TNK2: variants seen among roughly 807,000 people sequenced by gnomAD.
TNK2 encodes the protein activated CDC42 kinase 1.
TNK2 carries 83 observed loss-of-function variants against 101.8 expected under a neutral mutation model. The observed-to-expected ratio is 0.82, with a 90% CI of 0.68 to 0.98. TNK2 has a LOEUF of 0.98. Ranked by LOEUF, TNK2 falls within the 50% of genes least tolerant of loss-of-function variation. The pLI is 0.00. For synonymous variants in TNK2, 804 were observed against 633.0 expected (o/e 1.27, Z -4.06); for missense variants, 1,665 against 1,483.2 (o/e 1.12, Z -2.01).
rs1334269283 is a variant in TNK2, at chr3:195,882,993, G to A, written c.609+164C>T. ...CCCGGACTGGACCGCAGCAGACACA[G>A]CCCGTACCAGGCTGGGCCCCTGTGG... On this transcript the variant is annotated intron_variant, in intron 5 of 15. Transcript: ENST00000672887. This position sits in a 1 kb window ranked among gnomAD's most constrained non-coding sequence, Gnocchi z 4.2. 2.0e-5 allele frequency among the ~76,000 whole-genome samples: 3 copies of A among 152,158 alleles called. No individual in the cohort carries two copies. Among genetic ancestry groups the A allele is most frequent in the Admixed American group, 1.3e-4 (2 of 15,280 alleles).
At chr3:195,869,421 TCTGTAC>T in intron 12 of TNK2, 70 bp downstream of exon 12, 1 of 1,131,784 alleles carries the variant, frequency 8.8e-7, no homozygotes, top group Non-Finnish European at 1.3e-6. Flanking sequence ...CCGCCCAGGC[TCTGTAC>T]CTTCCAGGAG....
At chr3:195,887,852 GTGTC>G (rs1560528085) in intron 2 of TNK2, among the ~76,000 whole-genome samples, 117 of 98,956 alleles carry the variant, frequency 1.2e-3, no homozygotes, top group Middle Eastern at 6.3e-3. Context: ...GTGTGTGTGC[GTGTC>G]TGTGTGCGCA....
In TNK2 at chr3:195,863,867, G is replaced by T. The variant is rs533054278; in HGVS notation, c.*314C>A. 2.6e-6 allele frequency: 1 copy of T among 391,176 alleles called. No homozygotes were observed. Among genetic ancestry groups the T allele is most frequent in the Admixed American group, 4.0e-5 (1 of 25,278 alleles). The allele number at this position is 391,176 out of a possible 1,614,324, so 24.2% of individuals were successfully genotyped here. A position where few individuals can be genotyped will look rare whatever the true frequency, so the allele number is the denominator to read the frequency against. On this transcript the variant is annotated 3_prime_UTR_variant, in exon 16 of 16. Transcript: ENST00000672887. ...GGGTACTACTCCACCCACAGGCCCC[G>T]CCCAGGACCAGGGCCAGAGGCAGGT... is the stretch of plus-strand genomic sequence containing the variant.
Position 195,888,307 on chromosome 3 carries a change from C to T in TNK2, c.163+119G>A, listed in dbSNP as rs1465988916. On this transcript the variant is annotated intron_variant, in intron 2 of 15. Transcript: ENST00000672887. This position sits in a 1 kb window ranked among gnomAD's most constrained non-coding sequence, Gnocchi z 5.3. Reference sequence around the variant, plus strand: ...CACATCAGCACCTACTGATGTCCCTCCTGCTCCCTCAGGGCTCTGGGACAG... The same window carrying T: ...CACATCAGCACCTACTGATGTCCCTTCTGCTCCCTCAGGGCTCTGGGACAG... 1 of 1,095,528 alleles carries T rather than the reference C, an allele frequency of 9.1e-7. No homozygotes were observed. The highest frequency in any genetic ancestry group is 1.5e-5 in the South Asian group (1 of 67,276). The allele number at this position is 1,095,528 out of a possible 1,614,324, so 67.9% of individuals were successfully genotyped here.
Position 195,879,130 on chromosome 3 carries a change from G to A in TNK2, c.933C>T (p.Ser311=), listed in dbSNP as rs147683114. The A allele has an allele frequency of 2.5e-4, 407 of 1,613,780 alleles. No homozygotes were observed. The African/African-American group carries it at 3.7e-3, about 15-fold the overall frequency. The change falls in exon 7 of 16, where the codon AGC becomes AGT. Residue 311 remains serine, a synonymous_variant. Transcript: ENST00000672887. ...SLKTRTFSHA[S]DTWMFGVTLW... ...GTGTCACCCCGAACATCCAGGTGTC[G>A]CTGGCATGGGAGAAGGTGCGTGTCT... is the stretch of plus-strand genomic sequence containing the variant.
In TNK2 at chr3:195,885,301, C is replaced by A. The variant is rs955006995; in HGVS notation, c.235-268G>T. ...TGCAGCCTGTGGCTGAGCGGCCCCA[C>A]ACCCAGCTGTGTGGAGAGGGAGGGC... On this transcript the variant is annotated intron_variant, in intron 3 of 15. Coordinates refer to ENST00000672887, the MANE Select transcript of TNK2 (RefSeq NM_001382273.1). The surrounding 1 kb of genome is among the most constrained non-coding windows in gnomAD (Gnocchi z 4.7). 100 of 1,347,832 alleles carry A rather than the reference C, an allele frequency of 7.4e-5. No individual in the cohort carries two copies. Among genetic ancestry groups the A allele is most frequent in the Non-Finnish European group, 8.7e-5 (89 of 1,024,944 alleles). The allele number at this position is 1,347,832 out of a possible 1,614,324, so 83.5% of individuals were successfully genotyped here. A position where few individuals can be genotyped will look rare whatever the true frequency, so the allele number is the denominator to read the frequency against.
intron 4 of TNK2, 151 bp from the exon 5 acceptor site, chr3:195,883,460 G>A (rs1194855507): frequency 9.0e-6 from 8 of 885,130 alleles, no homozygotes; most frequent in South Asian, 1.6e-5. Context: ...CTGGGCTTAC[G>A]TGCTCTGCGT....
At chr3:195,875,742 C>T (rs1434846838) in intron 9 of TNK2, among the ~76,000 whole-genome samples, 3 of 152,166 alleles carry the variant, frequency 2.0e-5, no homozygotes, top group South Asian at 2.1e-4. Context: ...GAAGCAGGGG[C>T]GGATGAGGAC....
chr3:195,867,600 G>C lies in TNK2; in HGVS notation c.2698C>G (p.Pro900Ala). The C allele has an allele frequency of 1.3e-6, 2 of 1,594,414 alleles. No individual in the cohort carries two copies. The highest frequency in any genetic ancestry group is 1.7e-6 in the Non-Finnish European group (2 of 1,177,906). ...AGCAGAGGCACAGGCAGGGGGGTAG[G>C]CTCCTCGGGGCTCTGGGCCTCACGC... ...FLREAQSPEE[P>A]TPLPVPLLLP... Residue 900 changes from proline (P) to alanine (A), a missense_variant, in exon 13 of 16, where the codon CCT becomes GCT. Around this residue, in one of 3 missense-constraint regions of TNK2, gnomAD observed 1,136 missense variants for 894.9 expected, o/e 1.27. Transcript: ENST00000672887.
At position 195,868,038 on chromosome 3, in the gene TNK2, C is replaced by T; in HGVS notation, c.2260G>A (p.Val754Met). Reference sequence around the variant, plus strand: ...GGGGGGATGGGTACCCGAGGAGGCACCTGGGGCTTGTCGTCACCCCCCGGG... The same window carrying T: ...GGGGGGATGGGTACCCGAGGAGGCATCTGGGGCTTGTCGTCACCCCCCGGG... ...PSPGGDDKPQ[V>M]PPRVPIPPRP... The change falls in exon 13 of 16, where the codon GTG becomes ATG. Residue 754 changes from valine to methionine, a missense_variant. By Grantham distance (21) the Val-to-Met change is conservative (BLOSUM62 1). Around this residue, in one of 3 missense-constraint regions of TNK2, gnomAD observed 1,136 missense variants for 894.9 expected, o/e 1.27. Transcript: ENST00000672887. 6.3e-7 allele frequency: 1 copy of T among 1,594,448 alleles called. No homozygotes were observed. Among genetic ancestry groups the T allele is most frequent in the Non-Finnish European group, 8.5e-7 (1 of 1,174,356 alleles).
At chr3:195,870,036 T>C (rs2278034) in intron 11 of TNK2, 78 bp downstream of exon 11, 565,025 of 1,104,746 alleles carry the variant, frequency 0.51, 151,154 homozygotes, top group Non-Finnish European at 0.56. Flanking sequence ...ACAGCAGCCT[T>C]AGGGTGGCCT....
chr3:195,885,391 C>T lies in TNK2; in HGVS notation c.235-358G>A. 1.5e-6 allele frequency: 2 copies of T among 1,346,666 alleles called. No homozygotes were observed. The highest frequency in any genetic ancestry group is 1.9e-6 in the Non-Finnish European group (2 of 1,027,306). The allele number at this position is 1,346,666 out of a possible 1,614,324, so 83.4% of individuals were successfully genotyped here. A position where few individuals can be genotyped will look rare whatever the true frequency, so the allele number is the denominator to read the frequency against. Reference sequence around the variant, plus strand: ...CCACCCTCCCTTCCTGCACCCGCCACCCCGCAGACTCCAGCCCTAACCCGC... The same window carrying T: ...CCACCCTCCCTTCCTGCACCCGCCATCCCGCAGACTCCAGCCCTAACCCGC... On this transcript the variant is annotated intron_variant, in intron 3 of 15. Transcript: ENST00000672887. This position sits in a 1 kb window ranked among gnomAD's most constrained non-coding sequence, Gnocchi z 4.7.
chr3:195,897,810 ACCCCCCCACC>A (rs1560543849), intron 1 of TNK2, among the ~76,000 whole-genome samples: 3 of 26,198 alleles, frequency 1.1e-4, no homozygotes, highest in South Asian at 2.6e-3. Flanking sequence ...CCACCCCCTC[ACCCCCCCACC>A]CCCCCCCCAC....
chr3:195,895,492 C>A (rs886441549), intron 1 of TNK2: 2 of 1,358,476 alleles, frequency 1.5e-6, no homozygotes, highest in South Asian at 3.6e-5. Context: ...GCCGGGTGGT[C>A]GCGCCCCTCC....
chr3:195,899,609 C>T (rs552829060), intron 1 of TNK2, among the ~76,000 whole-genome samples: 5 of 152,314 alleles, frequency 3.3e-5, no homozygotes, highest in Admixed American at 2.0e-4. Context: ...AGATTATAGG[C>T]GTGAGCCACT....
intron 9 of TNK2, among the ~76,000 whole-genome samples, chr3:195,875,732 G>T (rs1223393057): frequency 2.0e-5 from 3 of 152,202 alleles, no homozygotes; most frequent in Non-Finnish European, 4.4e-5. Context: ...GGCCGTGACT[G>T]AAGCAGGGGC....
chr3:195,879,351 G>C (rs1037513397), intron 6 of TNK2, 176 bp from the exon 7 acceptor site: 7 of 877,848 alleles, frequency 8.0e-6, no homozygotes, highest in Non-Finnish European at 1.2e-5. Context: ...ACGATGCAGG[G>C]ACTTGGGGAA....
At chr3:195,906,514 G>A (rs1457964413) in intron 1 of TNK2, among the ~76,000 whole-genome samples, 3 of 152,002 alleles carry the variant, frequency 2.0e-5, no homozygotes, top group Non-Finnish European at 4.4e-5. Flanking sequence ...ACGCGATTCC[G>A]TTTACAGTAA....
rs1742448752 is a variant in TNK2 at position 195,868,433 on chromosome 3, C to T, written c.1865G>A (p.Ser622Asn). The change falls in exon 13 of 16, where the codon AGC becomes AAC. Residue 622 changes from serine (S) to asparagine (N), a missense_variant. Ser to Asn is a conservative substitution (Grantham distance 46, BLOSUM62 1). Around this residue, in one of 3 missense-constraint regions of TNK2, gnomAD observed 1,136 missense variants for 894.9 expected, o/e 1.27. Coordinates refer to ENST00000672887, the MANE Select transcript of TNK2 (RefSeq NM_001382273.1). ...CSLLDETPPQSPTRALPRPLH... is the reference protein window; with the variant it reads ...CSLLDETPPQNPTRALPRPLH... ...GGGCCGGGGCAGTGCCCGCGTGGGG[C>T]TCTGAGGCGGGGTCTCGTCCAGCAG... 3.2e-6 allele frequency: 5 copies of T among 1,567,576 alleles called. No individual in the cohort carries two copies. Among genetic ancestry groups the T allele is most frequent in the Admixed American group, 1.9e-5 (1 of 53,136 alleles).
Sources: gnomAD v4.1 joint callset for allele counts (sites outside exome capture counted in the v4.1 genomes callset) on GRCh38, gnomAD v4.1.1 for gene constraint, gnomAD v4.1.1 regional missense constraint, Gnocchi (gnomAD v3.1) non-coding constraint, MANE v1.5 for transcripts, NCBI Gene and HGNC (gene_info 2026-07-23, HGNC 2026-07-21) for gene names.